Variants in ANKS1B observed in about 807,000 individuals in gnomAD.
ANKS1B encodes the protein ankyrin repeat and sterile alpha motif domain-containing protein 1B.
In ANKS1B, 36 loss-of-function variants were observed where a neutral mutation model predicts 148.3. The ratio of observed to expected loss-of-function variants is 0.24; its 90% CI spans 0.19 to 0.32. The LOEUF (loss-of-function observed/expected upper bound fraction) is 0.32. Among genes scored for constraint, ANKS1B ranks in the 10% least tolerant of loss-of-function variants. The pLI is 1.00. For synonymous variants in ANKS1B, 542 were observed against 560.8 expected (o/e 0.97, Z 0.47); for missense variants, 1,157 against 1,542.6 (o/e 0.75, Z 4.19).
intron 17 of ANKS1B, among the ~76,000 whole-genome samples, chr12:99,044,420 A>G (rs79956481): frequency 8.5e-4 from 129 of 152,282 alleles, no homozygotes; most frequent in African/African-American, 2.9e-3. Context: ...GAGCGGAAAG[A>G]CTTTCAGCAG....
At chr12:99,335,330 C>G (rs992780552) in intron 12 of ANKS1B, among the ~76,000 whole-genome samples, 1 of 152,056 alleles carries the variant, frequency 6.6e-6, no homozygotes, top group East Asian at 1.9e-4. Flanking sequence ...TAATCTCAAG[C>G]ATTTATTATT....
chr12:99,590,894 C>T (rs1316075442), intron 9 of ANKS1B, among the ~76,000 whole-genome samples: 2 of 152,128 alleles, frequency 1.3e-5, no homozygotes, highest in Non-Finnish European at 2.9e-5. Flanking sequence ...TCAGAGATCA[C>T]CCTGATTTTA....
intron 19 of ANKS1B, among the ~76,000 whole-genome samples, chr12:98,828,222 C>T: frequency 6.6e-6 from 1 of 152,176 alleles, no homozygotes; most frequent in East Asian, 1.9e-4. Flanking sequence ...GGCAGAATAG[C>T]CATGGTTTCC....
intron 7 of ANKS1B, among the ~76,000 whole-genome samples, chr12:99,774,318 C>T (rs1221851923): frequency 6.6e-6 from 1 of 151,950 alleles, no homozygotes; most frequent in Admixed American, 6.6e-5. Context: ...TTAAAATGGG[C>T]TAAGGACTCG....
chr12:99,595,434 C>A (rs117377798), intron 9 of ANKS1B, among the ~76,000 whole-genome samples: 2,069 of 151,766 alleles, frequency 0.014, 22 homozygotes, highest in Non-Finnish European at 0.021. Context: ...TTTATATATT[C>A]TTTTTCTAGT....
At chr12:98,944,272 C>T (rs1036134527) in intron 17 of ANKS1B, among the ~76,000 whole-genome samples, 2 of 125,018 alleles carry the variant, frequency 1.6e-5, no homozygotes, top group African/African-American at 2.8e-5. Context: ...TGCACTCCAG[C>T]CTGGGTGACA....
intron 12 of ANKS1B, among the ~76,000 whole-genome samples, chr12:99,292,148 A>T (rs773013184): frequency 3.9e-5 from 6 of 152,068 alleles, no homozygotes; most frequent in Non-Finnish European, 8.8e-5. Context: ...AAGCCAAAGT[A>T]GACAAATGGG....
rs572813549 is a variant in ANKS1B, at chr12:99,056,958, C to CT, written c.2626-3650dup. On this transcript the variant is annotated intron_variant, in intron 16 of 26. Transcript: ENST00000683438. ...TAGTTCAAAAACAGGCTCTCTTCCTCTTTTTTTCCATTTCAGTTAAGGGCA... is the reference window on the plus strand; with the variant it reads ...TAGTTCAAAAACAGGCTCTCTTCCTCTTTTTTTTCCATTTCAGTTAAGGGCA... Among the ~76,000 whole-genome samples, 5 of 152,152 alleles carry CT rather than the reference C, an allele frequency of 3.3e-5. No individual in the cohort carries two copies. In the South Asian group the frequency reaches 1.0e-3, roughly 32 times the overall value.
intron 12 of ANKS1B, among the ~76,000 whole-genome samples, chr12:99,375,795 C>T (rs2093365910): frequency 6.6e-6 from 1 of 152,018 alleles, no homozygotes; most frequent in South Asian, 2.1e-4. Flanking sequence ...CCATACATAA[C>T]TGTTGAGGAA....
In ANKS1B at chr12:98,794,975, C is replaced by T. The variant is rs574476153; in HGVS notation, c.3342+3959G>A. On this transcript the variant is annotated intron_variant, in intron 22 of 26. Transcript: ENST00000683438. ...GACATGGAAGATGCTTCTTAAAAAT[C>T]TCTGTAACCATTTCTTTTATGAACA... 3.6e-4 allele frequency: 375 copies of T among 1,051,724 alleles called. 3 individuals are homozygous for T. The African/African-American group carries it at 5.4e-3, about 15-fold the overall frequency. The allele number at this position is 1,051,724 out of a possible 1,614,324, so 65.1% of individuals were successfully genotyped here.
rs567927841 is a variant in ANKS1B at position 99,021,622 on chromosome 12, C to T, written c.2778+31535G>A. 4.8e-4 allele frequency among the ~76,000 whole-genome samples: 73 copies of T among 152,176 alleles called. 1 individual carries two copies. In the South Asian group the frequency reaches 8.9e-3, roughly 19 times the overall value. On this transcript the variant is annotated intron_variant, in intron 17 of 26. Transcript: ENST00000683438. ...TTATGACTTTCACCTTGGGAAAGAA[C>T]TTTGAAATGAGGAAAACAAAATTGC...
chr12:99,954,920 A>C (rs986223214), intron 1 of ANKS1B, among the ~76,000 whole-genome samples: 1 of 152,118 alleles, frequency 6.6e-6, no homozygotes, highest in Non-Finnish European at 1.5e-5. Flanking sequence ...ACGAAATAAA[A>C]CCTGCCTTTG....
chr12:99,276,107 T>C (rs77231530), intron 12 of ANKS1B, among the ~76,000 whole-genome samples: 2,761 of 152,308 alleles, frequency 0.018, 86 homozygotes, highest in African/African-American at 0.063. Flanking sequence ...TAATTTAGCA[T>C]GCTTACTCTG....
intron 17 of ANKS1B, among the ~76,000 whole-genome samples, chr12:98,847,989 T>C (rs2099491815): frequency 6.6e-6 from 1 of 152,186 alleles, no homozygotes. Context: ...TTATTTTGTA[T>C]CAGGTTGCAA....
intron 12 of ANKS1B, among the ~76,000 whole-genome samples, chr12:99,356,672 G>T (rs1435103727): frequency 6.6e-6 from 1 of 152,082 alleles, no homozygotes; most frequent in Non-Finnish European, 1.5e-5. Flanking sequence ...ATCCTGGAGG[G>T]CCATCTGGTT....
intron 9 of ANKS1B, among the ~76,000 whole-genome samples, chr12:99,600,063 C>T (rs2097788791): frequency 1.3e-5 from 2 of 151,818 alleles, no homozygotes; most frequent in Admixed American, 6.6e-5. Context: ...GAATTTTAGC[C>T]ACCTAGACTG....
intron 24 of ANKS1B, among the ~76,000 whole-genome samples, chr12:98,775,621 T>G (rs1242945829): frequency 6.7e-6 from 1 of 148,502 alleles, no homozygotes; most frequent in African/African-American, 2.5e-5. Context: ...TTTTCTGTAT[T>G]TTTTTTTTTT....
chr12:99,192,139 A>G (rs996719522), intron 14 of ANKS1B, among the ~76,000 whole-genome samples: 6 of 150,720 alleles, frequency 4.0e-5, no homozygotes, highest in Non-Finnish European at 8.9e-5. Context: ...CTCAAAAAAA[A>G]AAAAAAAAAA....
rs538594564 is a variant in ANKS1B at position 99,802,769 on chromosome 12, C to T, written c.669+3635G>A. 6.1e-4 allele frequency among the ~76,000 whole-genome samples: 93 copies of T among 151,942 alleles called. No homozygotes were observed. The South Asian group carries it at 0.018, about 30-fold the overall frequency. On this transcript the variant is annotated intron_variant, in intron 4 of 26. Transcript: ENST00000683438. Reference sequence around the variant, plus strand: ...CTCTACAAAAACTAAAAAAATTAGCCGAGCACATCAGCACATGCCTATAGT... The same window carrying T: ...CTCTACAAAAACTAAAAAAATTAGCTGAGCACATCAGCACATGCCTATAGT...
Sources: gnomAD v4.1 joint callset for allele counts (sites outside exome capture counted in the v4.1 genomes callset) on GRCh38, gnomAD v4.1.1 for gene constraint, MANE v1.5 for transcripts, NCBI Gene and HGNC (gene_info 2026-07-23, HGNC 2026-07-21) for gene names.